The following RAD51B variants were observed in gnomAD, a reference collection of about 807,000 sequenced individuals.
The protein encoded by RAD51B is RAD51 paralog B.
RAD51B carries 38 observed loss-of-function variants against 42.2 expected under a neutral mutation model. The ratio of observed to expected loss-of-function variants is 0.90; its 90% confidence interval spans 0.70 to 1.18. The LOEUF (loss-of-function observed/expected upper bound fraction) is 1.18. Ranked by LOEUF, RAD51B falls within the 50% of genes most tolerant of loss-of-function variation. The pLI is 0.00. For missense variants in RAD51B, 373 were observed against 400.7 expected, an observed-to-expected ratio of 0.93 and a Z score of 0.59; for synonymous variants, 154 against 145.2, an observed-to-expected ratio of 1.06 and a Z score of -0.43.
intron 7 of RAD51B, among the ~76,000 whole-genome samples, chr14:68,092,275 T>G (rs1164657106): frequency 6.6e-6 from 1 of 152,238 alleles, no homozygotes; most frequent in Non-Finnish European, 1.5e-5. Context: ...ATTGAACGTA[T>G]AAATTACCTT....
At chr14:67,827,721 T>C (rs897499786) in intron 3 of RAD51B, among the ~76,000 whole-genome samples, 1 of 152,206 alleles carries the variant, frequency 6.6e-6, no homozygotes, top group African/African-American at 2.4e-5. Context: ...CTCCCACTTA[T>C]AAGTGAGAAC....
At chr14:68,440,905 G>T (rs1217870675) in intron 9 of RAD51B, among the ~76,000 whole-genome samples, 1 of 152,152 alleles carries the variant, frequency 6.6e-6, no homozygotes, top group African/African-American at 2.4e-5. Context: ...AGCCAATATT[G>T]ATTTATTTGG....
rs186613405 is a variant in RAD51B at position 68,300,374 on chromosome 14, T to C, written c.853+8394T>C. Among the ~76,000 whole-genome samples, 215 of 152,134 alleles carry C rather than the reference T, an allele frequency of 1.4e-3. 5 individuals carry two copies. In the East Asian group the frequency reaches 0.04, roughly 28 times the overall value. On this transcript the variant is annotated intron_variant, in intron 8 of 10. Coordinates refer to ENST00000471583, the MANE Select transcript of RAD51B (RefSeq NM_133510.4). ...GCATGCACCACCATGCCTGGCTAATTTTTTCAGTTTTGTTTTGTAGAGACA... is the reference window on the plus strand; with the variant it reads ...GCATGCACCACCATGCCTGGCTAATCTTTTCAGTTTTGTTTTGTAGAGACA...
chr14:68,427,776 G>A (rs142826145), intron 9 of RAD51B, among the ~76,000 whole-genome samples: 253 of 152,270 alleles, frequency 1.7e-3, no homozygotes, highest in African/African-American at 5.7e-3. Context: ...TGCAGCTATT[G>A]GGATGGAATA....
intron 7 of RAD51B, among the ~76,000 whole-genome samples, chr14:68,201,474 G>A (rs1480342883): frequency 2.0e-5 from 3 of 152,094 alleles, no homozygotes; most frequent in African/African-American, 7.2e-5. Context: ...AACATTTAAG[G>A]CCTAACAGGG....
chr14:68,208,974 T>C (rs145365172), intron 7 of RAD51B, among the ~76,000 whole-genome samples: 14 of 152,276 alleles, frequency 9.2e-5, no homozygotes, highest in African/African-American at 3.1e-4. Flanking sequence ...TCTGTGGAGA[T>C]CTTCGATAGT....
chr14:67,881,229 G>GT (rs11438423), intron 5 of RAD51B, among the ~76,000 whole-genome samples: 1,598 of 152,312 alleles, frequency 0.01, 28 homozygotes, highest in African/African-American at 0.037. Flanking sequence ...CATGACTGTG[G>GT]TTTTTTATTC....
intron 8 of RAD51B, among the ~76,000 whole-genome samples, chr14:68,326,905 G>A (rs772530221): frequency 2.0e-5 from 3 of 151,942 alleles, no homozygotes; most frequent in Non-Finnish European, 4.4e-5. Flanking sequence ...GGAAAAGACT[G>A]CCTAGCAGGA....
intron 7 of RAD51B, among the ~76,000 whole-genome samples, chr14:68,122,982 G>GACAC (rs1475005675): frequency 7.0e-6 from 1 of 143,004 alleles, no homozygotes; most frequent in African/African-American, 2.5e-5. Context: ...CACACACACA[G>GACAC]ACACACACAC....
At chr14:68,360,052 TAAAAG>T (rs2082991904) in intron 8 of RAD51B, among the ~76,000 whole-genome samples, 2 of 152,352 alleles carry the variant, frequency 1.3e-5, no homozygotes, top group South Asian at 2.1e-4. Flanking sequence ...ATTTGGCAGT[TAAAAG>T]AAGAATCTCC....
chr14:67,878,910 C>T (rs533929581), intron 5 of RAD51B, among the ~76,000 whole-genome samples: 103 of 152,252 alleles, frequency 6.8e-4, no homozygotes, highest in African/African-American at 2.1e-3. Flanking sequence ...GACGGGGTTT[C>T]GCCATGTTGG....
intron 4 of RAD51B, among the ~76,000 whole-genome samples, chr14:67,852,363 T>A (rs1413992938): frequency 1.3e-5 from 2 of 152,188 alleles, no homozygotes; most frequent in African/African-American, 4.8e-5. Flanking sequence ...ACCAGGGAAC[T>A]CGGGGATCCA....
intron 10 of RAD51B, among the ~76,000 whole-genome samples, chr14:68,647,781 C>T (rs925910449): frequency 2.0e-5 from 3 of 151,934 alleles, no homozygotes; most frequent in East Asian, 1.9e-4. Flanking sequence ...CAGGTTCAAG[C>T]GATTCTCCTG....
chr14:68,056,396 G>A (rs573317522), intron 7 of RAD51B, among the ~76,000 whole-genome samples: 15 of 151,926 alleles, frequency 9.9e-5, no homozygotes, highest in African/African-American at 3.1e-4. Context: ...TGATCCACCC[G>A]CCTCGGCCTC....
chr14:68,082,618 A>G (rs1042057225), intron 7 of RAD51B, among the ~76,000 whole-genome samples: 2 of 151,798 alleles, frequency 1.3e-5, no homozygotes, highest in Non-Finnish European at 2.9e-5. Context: ...ACTTAACACT[A>G]TGTCTTGGAA....
At chr14:68,074,695 A>G (rs1177900410) in intron 7 of RAD51B, among the ~76,000 whole-genome samples, 1 of 152,184 alleles carries the variant, frequency 6.6e-6, no homozygotes, top group Non-Finnish European at 1.5e-5. Context: ...GAGTGTAGTC[A>G]GTTGACTTCA....
intron 7 of RAD51B, among the ~76,000 whole-genome samples, chr14:68,187,201 C>T (rs891037427): frequency 5.9e-5 from 9 of 152,084 alleles, no homozygotes; most frequent in Non-Finnish European, 1.0e-4. Flanking sequence ...CTGGGAACTA[C>T]TAGAGAAGGG....
intron 4 of RAD51B, among the ~76,000 whole-genome samples, chr14:67,838,171 A>G (rs573421044): frequency 2.6e-5 from 4 of 152,302 alleles, no homozygotes; most frequent in Admixed American, 2.6e-4. Context: ...TATGTACCAC[A>G]TATTTATCCA....
chr14:68,508,230 C>T (rs2140309458), intron 10 of RAD51B, among the ~76,000 whole-genome samples: 1 of 152,252 alleles, frequency 6.6e-6, no homozygotes, highest in South Asian at 2.1e-4. Flanking sequence ...TTGGAGTCCT[C>T]TGCCACCCTC....
Sources: allele counts gnomAD v4.1 joint callset (sites outside exome capture counted in the v4.1 genomes callset), GRCh38; gene constraint gnomAD v4.1.1; transcripts MANE v1.5; gene names NCBI Gene and HGNC (gene_info 2026-07-23, HGNC 2026-07-21).